XRN1: variants seen among roughly 807,000 people sequenced by gnomAD.
The protein encoded by XRN1 is 5'-3' exoribonuclease 1.
In XRN1, 67 loss-of-function variants were observed where a neutral mutation model predicts 222.3. The observed-to-expected ratio is 0.30, with a 90% confidence interval of 0.25 to 0.37. The LOEUF (loss-of-function observed/expected upper bound fraction) is 0.37. Among genes scored for constraint, XRN1 ranks in the 10% least tolerant of loss-of-function variants. XRN1 has a pLI of 1.00. For synonymous variants in XRN1, 643 were observed against 652.4 expected, an observed-to-expected ratio of 0.99 and a Z score of 0.22; for missense variants, 1,707 against 2,000.2, an observed-to-expected ratio of 0.85 and a Z score of 2.80.
intron 14 of XRN1, 22 bp downstream of exon 14, chr3:142,414,113 A>C (rs1313841783): frequency 6.3e-7 from 1 of 1,579,426 alleles, no homozygotes; most frequent in East Asian, 2.3e-5. Flanking sequence ...AGGACATAAA[A>C]ACATTCAATT....
At position 142,422,566 on chromosome 3, in the gene XRN1, A is replaced by C. The variant is rs2069082029; in HGVS notation, c.967+16T>G. 2.5e-6 allele frequency: 4 copies of C among 1,609,886 alleles called. No individual in the cohort carries two copies. The highest frequency in any genetic ancestry group is 1.7e-5 in the Admixed American group (1 of 59,464). ...TAAATTAAAGTATCCTCGAGAGATT[A>C]TTAAATTCTTCTTACCCCCAAGTTC... On this transcript the variant is annotated intron_variant, in intron 8 of 40. Coordinates refer to ENST00000392981, the MANE Select transcript of XRN1 (RefSeq NM_001282857.2).
intron 19 of XRN1, 113 bp from the exon 20 acceptor site, chr3:142,397,573 A>C (rs1311261462): frequency 4.2e-6 from 3 of 708,874 alleles, no homozygotes; most frequent in Non-Finnish European, 4.1e-6. Context: ...ACTAGCAAAA[A>C]ACCCCACAAC....
In XRN1 at chr3:142,414,907, G is replaced by A. The variant is rs141661290; in HGVS notation, c.1437-616C>T. 2.4e-3 allele frequency among the ~76,000 whole-genome samples: 362 copies of A among 152,286 alleles called. 6 individuals carry two copies. The highest frequency in any genetic ancestry group is 4.5e-3 in the Non-Finnish European group (303 of 68,028). ...TTTTAATTCTCAAAATGTTGATAGT[G>A]AATCTTCCAATCAATAGATTGAACC... On this transcript the variant is annotated intron_variant, in intron 13 of 40. Transcript: ENST00000392981.
intron 1 of XRN1, among the ~76,000 whole-genome samples, chr3:142,434,729 C>G (rs192598311): frequency 6.6e-6 from 1 of 151,656 alleles, no homozygotes; most frequent in Non-Finnish European, 1.5e-5. Flanking sequence ...CAAACTCCAG[C>G]GTGGGAGACA....
chr3:142,409,621 T>C (rs1489314223), intron 15 of XRN1, among the ~76,000 whole-genome samples: 1 of 152,210 alleles, frequency 6.6e-6, no homozygotes, highest in Non-Finnish European at 1.5e-5. Context: ...CACTGTTCTT[T>C]ATATGGATTG....
At chr3:142,381,469 TG>T (rs1431908434) in intron 22 of XRN1, among the ~76,000 whole-genome samples, 1 of 152,004 alleles carries the variant, frequency 6.6e-6, no homozygotes, top group Non-Finnish European at 1.5e-5. Flanking sequence ...GATCAGATAT[TG>T]CATTTAATTG....
intron 33 of XRN1, among the ~76,000 whole-genome samples, chr3:142,340,044 G>A (rs1265140035): frequency 2.0e-5 from 3 of 151,936 alleles, no homozygotes; most frequent in Non-Finnish European, 2.9e-5. Flanking sequence ...AAGAATCAGT[G>A]AGCTTGAATG....
intron 37 of XRN1, among the ~76,000 whole-genome samples, chr3:142,326,922 T>C (rs917447309): frequency 2.0e-5 from 3 of 152,152 alleles, no homozygotes; most frequent in African/African-American, 4.8e-5. Flanking sequence ...GTCACAGTTA[T>C]TGACTGCATA....
chr3:142,394,207 A>G (rs1268431865), intron 20 of XRN1, among the ~76,000 whole-genome samples: 1 of 152,112 alleles, frequency 6.6e-6, no homozygotes, highest in East Asian at 1.9e-4. Context: ...CCACCACTTC[A>G]GTAACATTCT....
rs139356450 is a variant in XRN1, at chr3:142,386,023, A to G, written c.2340-1338T>C. On this transcript the variant is annotated intron_variant, in intron 20 of 40. Transcript: ENST00000392981. ...AACACGTTATATATTTTTTCACATC[A>G]GCTTATACTTTAATAATGTTGTCTA... Among the ~76,000 whole-genome samples the G allele has an allele frequency of 9.4e-3, 1,427 of 151,866 alleles. 22 individuals are homozygous for G. The highest frequency in any genetic ancestry group is 0.033 in the African/African-American group (1,350 of 41,510).
At chr3:142,435,874 A>AC (rs2069873472) in intron 1 of XRN1, 1 of 151,660 alleles carries the variant, frequency 6.6e-6, no homozygotes, top group African/African-American at 2.4e-5. Flanking sequence ...CCATTCTGTG[A>AC]ATGGTGAAAC....
chr3:142,314,753 A>C (rs1459190520), intron 39 of XRN1, among the ~76,000 whole-genome samples: 1 of 151,556 alleles, frequency 6.6e-6, no homozygotes, highest in African/African-American at 2.4e-5. Context: ...AAAGATACAA[A>C]AATTAGCCAG....
Position 142,335,654 on chromosome 3 carries a change from T to C in XRN1, c.3878-145A>G, listed in dbSNP as rs766144688. ...CTCTGAACTTAAGGAATTTATAACA[T>C]AGATAAGGGGGAGAAGAGACACTTA... On this transcript the variant is annotated intron_variant, in intron 33 of 40. Coordinates refer to ENST00000392981, the MANE Select transcript of XRN1 (RefSeq NM_001282857.2). The C allele has an allele frequency of 2.0e-5, 14 of 702,312 alleles. 1 individual carries two copies. Among genetic ancestry groups the C allele is most frequent in the South Asian group, 3.9e-5 (2 of 51,822 alleles). The allele number at this position is 702,312 out of a possible 1,614,324, so 43.5% of individuals were successfully genotyped here.
intron 6 of XRN1, 53 bp from the exon 7 acceptor site, chr3:142,422,975 G>C: frequency 1.5e-6 from 2 of 1,370,798 alleles, no homozygotes; most frequent in Non-Finnish European, 2.0e-6. Flanking sequence ...TAAGGTCCCA[G>C]CTTAAAAATG....
chr3:142,333,357 T>A (rs911225662), intron 34 of XRN1, among the ~76,000 whole-genome samples: 1 of 152,152 alleles, frequency 6.6e-6, no homozygotes, highest in Non-Finnish European at 1.5e-5. Context: ...CCTTCTAAAG[T>A]CTATTAAAAA....
chr3:142,430,105 T>C (rs1368830186), intron 2 of XRN1, among the ~76,000 whole-genome samples: 1 of 152,186 alleles, frequency 6.6e-6, no homozygotes, highest in Non-Finnish European at 1.5e-5. Context: ...CCACCCATTT[T>C]GGTAGGGGGC....
At chr3:142,396,522 CA>C (rs779710217) in intron 20 of XRN1, among the ~76,000 whole-genome samples, 1 of 152,064 alleles carries the variant, frequency 6.6e-6, no homozygotes, top group Non-Finnish European at 1.5e-5. Flanking sequence ...TGTTGGGAGG[CA>C]AAAATATGCT....
At chr3:142,426,878 T>C in intron 2 of XRN1, 37 bp from the exon 3 acceptor site, 1 of 1,540,274 alleles carries the variant, frequency 6.5e-7, no homozygotes, top group Non-Finnish European at 8.9e-7. Flanking sequence ...TTAAGTTTTC[T>C]GAAAAAAAGT....
chr3:142,442,510 C>A (rs1273929354), intron 1 of XRN1, among the ~76,000 whole-genome samples: 3 of 152,140 alleles, frequency 2.0e-5, no homozygotes, highest in African/African-American at 7.2e-5. Flanking sequence ...TGGCTAGCCA[C>A]CGAAGAAAGA....
Sources: gnomAD v4.1 joint callset for allele counts (sites outside exome capture counted in the v4.1 genomes callset) on GRCh38, gnomAD v4.1.1 for gene constraint, MANE v1.5 for transcripts, NCBI Gene and HGNC (gene_info 2026-07-23, HGNC 2026-07-21) for gene names.